Variants in USP22 observed in about 807,000 individuals in gnomAD.
USP22 encodes ubiquitin specific peptidase 22.
USP22 carries 22 observed loss-of-function variants against 68.1 expected under a neutral mutation model. The ratio of observed to expected loss-of-function variants is 0.32; its 90% confidence interval spans 0.23 to 0.46. The LOEUF is 0.46. USP22 is among the 20% of genes least tolerant of loss of function. The pLI is 1.00. For missense variants in USP22, 433 were observed against 695.8 expected, an observed-to-expected ratio of 0.62 and a Z score of 4.25; for synonymous variants, 279 against 274.2, an observed-to-expected ratio of 1.02 and a Z score of -0.17.
At chr17:21,032,315 G>C (rs1038220048) in intron 1 of USP22, among the ~76,000 whole-genome samples, 5 of 152,168 alleles carry the variant, frequency 3.3e-5, no homozygotes, top group African/African-American at 1.2e-4. Flanking sequence ...GTATCCTGTT[G>C]TTAAACAATG....
At position 21,011,291 on chromosome 17, in the gene USP22, G is replaced by A. The variant is rs868829544; in HGVS notation, c.963C>T (p.Ile321=). The A allele has an allele frequency of 7.7e-6, 12 of 1,561,620 alleles. No individual in the cohort carries two copies. Among genetic ancestry groups the A allele is most frequent in the East Asian group, 7.2e-5 (3 of 41,564 alleles). ...CCAAGCTGATGTCCCAGAAGGGGTC[G>A]ATGGTGGTGGAGACTCCACTGGAAG... ...CQVCHGVSTT[I]DPFWDISLDL... Residue 321 remains isoleucine (I), a synonymous_variant, in exon 8 of 13, where the codon ATC becomes ATT. Transcript: ENST00000261497.
chr17:21,005,134 C>A, intron 10 of USP22, 144 bp from the exon 11 acceptor site: 1 of 959,868 alleles, frequency 1.0e-6, no homozygotes, highest in South Asian at 1.5e-5. Context: ...AGAAATCTCC[C>A]CATGTTTCGT....
intron 7 of USP22, among the ~76,000 whole-genome samples, chr17:21,012,215 G>A (rs145450389): frequency 1.3e-5 from 2 of 152,212 alleles, no homozygotes; most frequent in African/African-American, 4.8e-5. Context: ...TTGAGCCCAT[G>A]GGTTCAAGGC....
At chr17:21,015,974 C>T (rs2143562659) in intron 5 of USP22, 75 bp from the exon 6 acceptor site, 1 of 1,500,670 alleles carries the variant, frequency 6.7e-7, no homozygotes, top group Non-Finnish European at 8.9e-7. Flanking sequence ...ACAATCAAAA[C>T]CTTTATCAGA....
At chr17:21,003,315 T>C (rs1913656970) in intron 12 of USP22, among the ~76,000 whole-genome samples, 1 of 152,072 alleles carries the variant, frequency 6.6e-6, no homozygotes, top group African/African-American at 2.4e-5. Context: ...ACCCATTGCC[T>C]CACCCAACCT....
At chr17:21,008,379 C>G (rs1913842952) in intron 8 of USP22, among the ~76,000 whole-genome samples, 3 of 152,120 alleles carry the variant, frequency 2.0e-5, no homozygotes, top group Non-Finnish European at 4.4e-5. Flanking sequence ...CTTCCCATGG[C>G]TGAATAATTA....
chr17:21,039,964 G>A (rs1295132311), intron 1 of USP22, among the ~76,000 whole-genome samples: 1 of 152,138 alleles, frequency 6.6e-6, no homozygotes, highest in Non-Finnish European at 1.5e-5. Context: ...CAGCACTCTG[G>A]GAGACAGGAG....
At chr17:21,022,085 G>A (rs1172459050) in intron 2 of USP22, among the ~76,000 whole-genome samples, 1 of 151,976 alleles carries the variant, frequency 6.6e-6, no homozygotes, top group Non-Finnish European at 1.5e-5. Context: ...GGGCAACAGA[G>A]TGAGACTCTG....
intron 11 of USP22, 123 bp from the exon 12 acceptor site, chr17:21,004,474 A>C: frequency 8.0e-7 from 1 of 1,248,036 alleles, no homozygotes; most frequent in Non-Finnish European, 1.1e-6. Flanking sequence ...GTCAACCCCC[A>C]GGGCCTCAGG....
At chr17:21,009,025 AG>A (rs1366268812) in intron 8 of USP22, among the ~76,000 whole-genome samples, 2 of 138,742 alleles carry the variant, frequency 1.4e-5, no homozygotes, top group African/African-American at 5.3e-5. Flanking sequence ...TGGGAGATGG[AG>A]GTTGCAGTGA....
At chr17:21,040,209 AAAAC>A (rs1180613106) in intron 1 of USP22, among the ~76,000 whole-genome samples, 4 of 152,250 alleles carry the variant, frequency 2.6e-5, no homozygotes, top group Non-Finnish European at 5.9e-5. Flanking sequence ...TAAAATTTAA[AAAAC>A]AAAATGTCCT....
At chr17:21,003,378 G>T (rs939889725) in intron 12 of USP22, among the ~76,000 whole-genome samples, 1 of 152,192 alleles carries the variant, frequency 6.6e-6, no homozygotes. Context: ...AGAGCCCACT[G>T]TTTTCAAGTG....
intron 3 of USP22, among the ~76,000 whole-genome samples, chr17:21,019,492 A>G (rs994834644): frequency 6.6e-6 from 1 of 152,260 alleles, no homozygotes; most frequent in Non-Finnish European, 1.5e-5. Flanking sequence ...ATCCTTCAGC[A>G]CAGAGATGGC....
intron 4 of USP22, chr17:21,018,378 G>A (rs1972113745): frequency 3.0e-6 from 1 of 328,660 alleles, no homozygotes; most frequent in African/African-American, 2.2e-5. Context: ...ACGACAACAG[G>A]CCAGGTCAGA....
rs902620873 is a variant in USP22 at position 21,001,783 on chromosome 17, T to C, written c.*1248A>G. On this transcript the variant is annotated 3_prime_UTR_variant, in exon 13 of 13. Coordinates refer to ENST00000261497, the MANE Select transcript of USP22 (RefSeq NM_015276.2). ...TTGTCCCTAGTTTCTAATTTCTCAG[T>C]GGACAAATGGACAAACCATCTCTGT... 2 of 152,202 alleles carry C rather than the reference T, an allele frequency of 1.3e-5. No individual in the cohort carries two copies. The highest frequency in any genetic ancestry group is 2.4e-5 in the African/African-American group (1 of 41,442). 9.4% of individuals were successfully genotyped at this position (152,202 alleles called of 1,614,324 possible).
intron 2 of USP22, among the ~76,000 whole-genome samples, chr17:21,022,031 G>C (rs936796770): frequency 2.6e-5 from 4 of 152,082 alleles, no homozygotes; most frequent in African/African-American, 9.7e-5. Flanking sequence ...ACCTGGGAAG[G>C]GGAGGTTGCA....
intron 12 of USP22, among the ~76,000 whole-genome samples, chr17:21,003,950 TA>T: frequency 6.6e-6 from 1 of 150,876 alleles, no homozygotes; most frequent in Non-Finnish European, 1.5e-5. Context: ...TTCACGCAGT[TA>T]AAAAACAACT....
In USP22 at chr17:21,034,532, A is replaced by G. The variant is rs1597701340; in HGVS notation, c.172-5858T>C. ...CAGAAATAAACAATTCATAAGCTTTAAACTGCCCGCCGTTCTGAGAAACAT... is the reference window on the plus strand; with the variant it reads ...CAGAAATAAACAATTCATAAGCTTTGAACTGCCCGCCGTTCTGAGAAACAT... On this transcript the variant is annotated intron_variant, in intron 1 of 12. Coordinates refer to ENST00000261497, the MANE Select transcript of USP22 (RefSeq NM_015276.2). Among the ~76,000 whole-genome samples the G allele has an allele frequency of 3.9e-5, 6 of 152,216 alleles. No homozygotes were observed. The South Asian group carries it at 1.2e-3, about 31-fold the overall frequency.
chr17:21,029,810 T>A (rs1972266265), intron 1 of USP22, among the ~76,000 whole-genome samples: 1 of 152,198 alleles, frequency 6.6e-6, no homozygotes, highest in South Asian at 2.1e-4. Context: ...ATTCTATGAG[T>A]CTATTTACAT....
Sources: allele counts gnomAD v4.1 joint callset (sites outside exome capture counted in the v4.1 genomes callset), GRCh38; gene constraint gnomAD v4.1.1; transcripts MANE v1.5; gene names NCBI Gene and HGNC (gene_info 2026-07-23, HGNC 2026-07-21).